The following GTF3C4 variants were observed in gnomAD, a reference collection of about 807,000 sequenced individuals.
The protein encoded by GTF3C4 is general transcription factor IIIC subunit 4.
GTF3C4 carries 28 observed loss-of-function variants against 67.5 expected under a neutral mutation model. That is an observed-to-expected ratio of 0.41 (90% CI 0.31 to 0.57). The LOEUF (loss-of-function observed/expected upper bound fraction) is 0.57. Ranked by LOEUF, GTF3C4 falls within the 20% of genes least tolerant of loss-of-function variation. The pLI is 0.21. For synonymous variants in GTF3C4, 409 were observed against 393.0 expected (o/e 1.04, Z -0.48); for missense variants, 831 against 1,033.2 (o/e 0.80, Z 2.68).
At chr9:132,687,355 T>A (rs757828849) in intron 4 of GTF3C4, 28 bp downstream of exon 4, 2 of 49,148 alleles carry the variant, frequency 4.1e-5, no homozygotes, top group South Asian at 1.5e-4. Context: ...CTTGGGAGGG[T>A]GGGTGGGTGG....
intron 3 of GTF3C4, among the ~76,000 whole-genome samples, chr9:132,685,382 G>A (rs1367786313): frequency 6.6e-6 from 1 of 152,144 alleles, no homozygotes; most frequent in African/African-American, 2.4e-5. Flanking sequence ...TTATCAAAAT[G>A]TATGTACATT....
At position 132,670,851 on chromosome 9, in the gene GTF3C4, A is replaced by T. The variant is rs1379696323; in HGVS notation, c.253A>T (p.Ser85Cys). ...CCGCGTGTCTGTGTCCACGGCCCGCAGCATCGCTGTGCTGGAGCTCATCTG... is the reference window on the plus strand; with the variant it reads ...CCGCGTGTCTGTGTCCACGGCCCGCTGCATCGCTGTGCTGGAGCTCATCTG... ...DHRVSVSTAR[S>C]IAVLELICDV... The change falls in exon 1 of 5, where the codon AGC becomes TGC. Residue 85 changes from serine (S) to cysteine (C), a missense_variant. Around this residue, in one of 4 missense-constraint regions of GTF3C4, gnomAD observed 237 missense variants for 212.7 expected, o/e 1.11. Coordinates refer to ENST00000372146, the MANE Select transcript of GTF3C4 (RefSeq NM_012204.4). 7 of 1,611,626 alleles carry T rather than the reference A, an allele frequency of 4.3e-6. No homozygotes were observed. The Admixed American group carries it at 1.2e-4, about 27-fold the overall frequency.
At chr9:132,680,533 A>G (rs1835924879) in intron 2 of GTF3C4, among the ~76,000 whole-genome samples, 1 of 152,232 alleles carries the variant, frequency 6.6e-6, no homozygotes, top group South Asian at 2.1e-4. Flanking sequence ...TCCAAGAAAT[A>G]TACTGTGTTC....
At position 132,689,824 on chromosome 9, in the gene GTF3C4, G is replaced by A. The variant is rs1836087311; in HGVS notation, c.*879G>A. 1 of 152,224 alleles carries A rather than the reference G, an allele frequency of 6.6e-6. No homozygotes were observed. Among genetic ancestry groups the A allele is most frequent in the Non-Finnish European group, 1.5e-5 (1 of 68,042 alleles). The allele number at this position is 152,224 out of a possible 1,614,324, so 9.4% of individuals were successfully genotyped here. ...ATTTTTAATGTTGACATTTCCAGAT[G>A]TTTCATTTAGTATCCAGGGGTCTGT... On this transcript the variant is annotated 3_prime_UTR_variant, in exon 5 of 5. Coordinates refer to ENST00000372146, the MANE Select transcript of GTF3C4 (RefSeq NM_012204.4).
chr9:132,673,947 C>T (rs1204898425), intron 1 of GTF3C4, among the ~76,000 whole-genome samples: 1 of 152,168 alleles, frequency 6.6e-6, no homozygotes, highest in Admixed American at 6.5e-5. Context: ...TCTAGTGAGA[C>T]ATTTGTGTAT....
Position 132,679,431 on chromosome 9 carries a change from A to C in GTF3C4, c.1812A>C (p.Ser604=), listed in dbSNP as rs1251946608. 6.2e-7 allele frequency: 1 copy of C among 1,614,210 alleles called. No homozygotes were observed. The highest frequency in any genetic ancestry group is 8.5e-7 in the Non-Finnish European group (1 of 1,180,032). ...TGTGGAAACCCACCCATGAGGACTC[A>C]AAAATCTTACTAGTGGATTCGCCTG... The part of the protein sequence containing the change: ...EALWKPTHED[S]KILLVDSPGM... Residue 604 remains serine (S), a synonymous_variant, in exon 2 of 5, where the codon TCA becomes TCC. Transcript: ENST00000372146. This position sits in a 1 kb window ranked among gnomAD's most constrained non-coding sequence, Gnocchi z 5.9.
At chr9:132,676,179 G>A (rs1385578130) in intron 1 of GTF3C4, among the ~76,000 whole-genome samples, 4 of 151,912 alleles carry the variant, frequency 2.6e-5, no homozygotes, top group South Asian at 2.1e-4. Flanking sequence ...GATTACAGGC[G>A]TGAGCCACCA....
At chr9:132,673,962 C>A (rs889166580) in intron 1 of GTF3C4, among the ~76,000 whole-genome samples, 7 of 152,068 alleles carry the variant, frequency 4.6e-5, no homozygotes, top group African/African-American at 1.7e-4. Flanking sequence ...GTGTATAGTT[C>A]CAAATTCTGA....
rs1835717192 is a variant in GTF3C4 at position 132,670,780 on chromosome 9, A to C, written c.182A>C (p.Gln61Pro). The stretch of plus-strand genomic sequence containing the variant: ...CGGCGGGAGCCGGCCGTGAAGCTGC[A>C]GTATGCGGTGAGCGGCCTGGAACCG... The part of the protein sequence containing the change: ...VTRREPAVKL[Q>P]YAVSGLEPLA... The change falls in exon 1 of 5, where the codon CAG becomes CCG. Residue 61 changes from glutamine to proline, a missense_variant. Around this residue, in one of 4 missense-constraint regions of GTF3C4, gnomAD observed 237 missense variants for 212.7 expected, o/e 1.11. Coordinates refer to ENST00000372146, the MANE Select transcript of GTF3C4 (RefSeq NM_012204.4). The C allele has an allele frequency of 2.5e-6, 4 of 1,587,228 alleles. No homozygotes were observed. The highest frequency in any genetic ancestry group is 1.7e-5 in the Admixed American group (1 of 57,858).
intron 1 of GTF3C4, among the ~76,000 whole-genome samples, chr9:132,674,985 C>T (rs992743791): frequency 2.0e-5 from 3 of 151,984 alleles, no homozygotes; most frequent in African/African-American, 7.2e-5. Context: ...GAGCTGTAGT[C>T]ACGCCAGCTG....
Position 132,679,002 on chromosome 9 carries a change from T to C in GTF3C4, c.1383T>C (p.Phe461=). 6.2e-7 allele frequency: 1 copy of C among 1,614,228 alleles called. No individual in the cohort carries two copies. The highest frequency in any genetic ancestry group is 8.5e-7 in the Non-Finnish European group (1 of 1,180,042). The change falls in exon 2 of 5, where the codon TTT becomes TTC. Residue 461 remains phenylalanine (F), a synonymous_variant. Transcript: ENST00000372146. This position sits in a 1 kb window ranked among gnomAD's most constrained non-coding sequence, Gnocchi z 5.9. ...IPIFTDVALK[F]EHQLIKLSDV... ...TTTTCACAGATGTTGCATTGAAGTT[T>C]GAACACCAGTTGATTAAACTCTCAG... is the stretch of plus-strand genomic sequence containing the variant.
chr9:132,683,920 CTTGTT>C (rs1564357532), intron 3 of GTF3C4, among the ~76,000 whole-genome samples: 1 of 152,162 alleles, frequency 6.6e-6, no homozygotes, highest in Non-Finnish European at 1.5e-5. Flanking sequence ...TAGGAGTTTT[CTTGTT>C]TTATTTGTTC....
chr9:132,682,043 T>TG, intron 2 of GTF3C4, among the ~76,000 whole-genome samples: 1 of 149,582 alleles, frequency 6.7e-6, no homozygotes, highest in East Asian at 2.0e-4. Flanking sequence ...GGGAGGCTGA[T>TG]GGGGGAGCCA....
chr9:132,671,060 C>T (rs2130889791), intron 1 of GTF3C4, 105 bp downstream of exon 1: 1 of 770,892 alleles, frequency 1.3e-6, no homozygotes, highest in East Asian at 2.7e-5. Flanking sequence ...GGGGATTTCC[C>T]TCTTCGCACC....
chr9:132,677,883 A>G, intron 1 of GTF3C4, 94 bp from the exon 2 acceptor site: 1 of 957,438 alleles, frequency 1.0e-6, no homozygotes, highest in East Asian at 2.4e-5. Context: ...TATGGGAACC[A>G]GGCTATGAAT....
chr9:132,673,999 T>C (rs189901361), intron 1 of GTF3C4, among the ~76,000 whole-genome samples: 44 of 152,322 alleles, frequency 2.9e-4, no homozygotes, highest in African/African-American at 1.0e-3. Context: ...AATTGTATTG[T>C]GCATCAATTG....
intron 2 of GTF3C4, among the ~76,000 whole-genome samples, chr9:132,682,709 A>T (rs930768512): frequency 2.7e-5 from 4 of 149,546 alleles, no homozygotes; most frequent in Non-Finnish European, 1.5e-5. Flanking sequence ...GCTCAGGCAG[A>T]TCCTTCTGCC....
At chr9:132,676,576 C>T (rs181273184) in intron 1 of GTF3C4, among the ~76,000 whole-genome samples, 81 of 152,202 alleles carry the variant, frequency 5.3e-4, no homozygotes, top group Non-Finnish European at 1.0e-3. Context: ...CTACCTCGGC[C>T]TCCCAAAGTG....
At chr9:132,672,425 GAGGA>G (rs1835798079) in intron 1 of GTF3C4, among the ~76,000 whole-genome samples, 1 of 152,200 alleles carries the variant, frequency 6.6e-6, no homozygotes, top group African/African-American at 2.4e-5. Context: ...TGGTTTGTAA[GAGGA>G]AGGAAGGAAA....
Sources: gnomAD v4.1 joint callset for allele counts (sites outside exome capture counted in the v4.1 genomes callset) on GRCh38, gnomAD v4.1.1 for gene constraint, gnomAD v4.1.1 regional missense constraint, Gnocchi (gnomAD v3.1) non-coding constraint, MANE v1.5 for transcripts, NCBI Gene and HGNC (gene_info 2026-07-23, HGNC 2026-07-21) for gene names.